Variants in CRLS1 observed in about 807,000 individuals in gnomAD.
CRLS1 encodes cardiolipin synthase 1, also known as cardiolipin synthase (CMP-forming).
Under a neutral mutation model 37.0 loss-of-function variants are expected in CRLS1, and 24 were observed. That is an observed-to-expected ratio of 0.65 (90% CI 0.47 to 0.91). The LOEUF (loss-of-function observed/expected upper bound fraction) is 0.91, where lower values mean the gene tolerates loss of function less well. Ranked by LOEUF, CRLS1 falls within the 40% of genes least tolerant of loss-of-function variation. The pLI, the probability that CRLS1 is intolerant of heterozygous loss-of-function variation, is 0.00. For missense variants in CRLS1, 373 were observed against 395.8 expected (o/e 0.94, Z 0.49); for synonymous variants, 135 against 159.7 (o/e 0.85, Z 1.17).
intron 1 of CRLS1, chr20:6,007,146 C>T: frequency 9.7e-7 from 1 of 1,026,438 alleles, no homozygotes; most frequent in Non-Finnish European, 1.3e-6. Context: ...ACAGAAGACA[C>T]CCGAGCATGA....
At chr20:6,027,615 A>G (rs1979820197) in intron 3 of CRLS1, among the ~76,000 whole-genome samples, 1 of 151,584 alleles carries the variant, frequency 6.6e-6, no homozygotes, top group Non-Finnish European at 1.5e-5. Context: ...GGGTTTTGCC[A>G]TGTTGGCCAG....
chr20:6,010,723 T>G (rs2090121415), intron 2 of CRLS1, among the ~76,000 whole-genome samples: 1 of 152,232 alleles, frequency 6.6e-6, no homozygotes, highest in South Asian at 2.1e-4. Flanking sequence ...ATTACCAACT[T>G]TATTTCAAAA....
rs1391277073 is a variant in CRLS1 at position 6,031,992 on chromosome 20, C to A, written c.661-20C>A. The A allele has an allele frequency of 1.3e-6, 2 of 1,591,098 alleles. No homozygotes were observed. The highest frequency in any genetic ancestry group is 1.1e-5 in the South Asian group (1 of 89,158). On this transcript the variant is annotated intron_variant, in intron 4 of 6. Coordinates refer to ENST00000378863, the MANE Select transcript of CRLS1 (RefSeq NM_019095.6). ...TTAAACAATAAGTTAATTACTTTATCTTTTTTGGTCCTCTGCCAGCGAACA... is the reference window on the plus strand; with the variant it reads ...TTAAACAATAAGTTAATTACTTTATATTTTTTGGTCCTCTGCCAGCGAACA...
chr20:6,035,453 A>T (rs1336036059), intron 6 of CRLS1, among the ~76,000 whole-genome samples: 1 of 152,088 alleles, frequency 6.6e-6, no homozygotes, highest in Non-Finnish European at 1.5e-5. Context: ...AACTGTTTAG[A>T]TATTTTCCCT....
At chr20:6,020,260 G>A (rs1253150012) in intron 3 of CRLS1, among the ~76,000 whole-genome samples, 6 of 152,102 alleles carry the variant, frequency 3.9e-5, no homozygotes, top group Admixed American at 3.9e-4. Context: ...ATATAAGACT[G>A]TATATGTTCC....
chr20:6,028,747 T>C (rs1979914690), intron 3 of CRLS1: 1 of 152,242 alleles, frequency 6.6e-6, no homozygotes, highest in African/African-American at 2.4e-5. Flanking sequence ...TGTGTTCTAA[T>C]AAAATTTTAC....
intron 2 of CRLS1, among the ~76,000 whole-genome samples, chr20:6,011,471 C>T (rs1381910844): frequency 6.6e-6 from 1 of 151,200 alleles, no homozygotes; most frequent in Admixed American, 6.6e-5. Flanking sequence ...CATAGCCTCC[C>T]AAATTGGCTT....
At chr20:6,024,569 C>A (rs898910064) in intron 3 of CRLS1, among the ~76,000 whole-genome samples, 1 of 152,146 alleles carries the variant, frequency 6.6e-6, no homozygotes, top group Non-Finnish European at 1.5e-5. Flanking sequence ...CAATTAATAA[C>A]CCTGCAATGT....
chr20:6,032,656 TAAAC>T (rs960475367), intron 5 of CRLS1, among the ~76,000 whole-genome samples: 2 of 152,252 alleles, frequency 1.3e-5, no homozygotes, highest in Non-Finnish European at 2.9e-5. Flanking sequence ...TGTTCACTAA[TAAAC>T]AACTGCTACT....
Position 6,032,078 on chromosome 20 carries a change from A to G in CRLS1, c.727A>G (p.Lys243Glu). ...TARLKPTFISKVNTAVQLILV... is the reference protein window; with the variant it reads ...TARLKPTFISEVNTAVQLILV... Reference sequence around the variant, plus strand: ...TAGGTTAAAACCAACATTCATCAGCAAGGTAAGAGAATGCAATGTTCTTTG... The same window carrying G: ...TAGGTTAAAACCAACATTCATCAGCGAGGTAAGAGAATGCAATGTTCTTTG... Residue 243 changes from lysine to glutamate, a missense_variant and splice_region_variant, in exon 5 of 7, where the codon AAG becomes GAG. Lys to Glu is a moderately conservative substitution (Grantham distance 56). Coordinates refer to ENST00000378863, the MANE Select transcript of CRLS1 (RefSeq NM_019095.6). 6.2e-7 allele frequency: 1 copy of G among 1,606,082 alleles called. No individual in the cohort carries two copies. Among genetic ancestry groups the G allele is most frequent in the Non-Finnish European group, 8.5e-7 (1 of 1,173,012 alleles).
At chr20:6,017,456 C>T (rs75548152) in intron 3 of CRLS1, among the ~76,000 whole-genome samples, 2 of 152,190 alleles carry the variant, frequency 1.3e-5, no homozygotes, top group Admixed American at 6.5e-5. Context: ...GTTATCCTAG[C>T]ACTTTTTATA....
chr20:6,035,271 A>C (rs1363039762), intron 6 of CRLS1, among the ~76,000 whole-genome samples: 2 of 152,212 alleles, frequency 1.3e-5, no homozygotes, highest in Non-Finnish European at 2.9e-5. Flanking sequence ...CATTTATCCC[A>C]GTTCATCTTA....
At chr20:6,032,181 A>G (rs1980214674) in intron 5 of CRLS1, 101 bp downstream of exon 5, 1 of 926,784 alleles carries the variant, frequency 1.1e-6, no homozygotes, top group African/African-American at 1.6e-5. Flanking sequence ...ACAAATTTAA[A>G]TGCATTGAGT....
chr20:6,013,070 G>A (rs1039337884), intron 2 of CRLS1, among the ~76,000 whole-genome samples: 1 of 152,102 alleles, frequency 6.6e-6, no homozygotes, highest in Non-Finnish European at 1.5e-5. Flanking sequence ...TTGCTTTGTA[G>A]GGGGATAGAG....
chr20:6,017,512 T>A (rs576201134), intron 3 of CRLS1, among the ~76,000 whole-genome samples: 1 of 152,372 alleles, frequency 6.6e-6, no homozygotes, highest in Non-Finnish European at 1.5e-5. Context: ...ATTTCTAAGT[T>A]GTTTTCTTCC....
At chr20:6,032,363 CTTTT>C (rs199513049) in intron 5 of CRLS1, among the ~76,000 whole-genome samples, 6 of 130,100 alleles carry the variant, frequency 4.6e-5, no homozygotes, top group Admixed American at 7.8e-5. Context: ...GTAATTGTTC[CTTTT>C]TTTTTTTTTT....
At chr20:6,033,022 G>A (rs112535406) in intron 5 of CRLS1, among the ~76,000 whole-genome samples, 1 of 151,828 alleles carries the variant, frequency 6.6e-6, no homozygotes, top group African/African-American at 2.4e-5. Flanking sequence ...AAGAGGTACG[G>A]GGACAAGTGC....
chr20:6,010,662 A>T (rs926349104), intron 2 of CRLS1, among the ~76,000 whole-genome samples: 1 of 152,238 alleles, frequency 6.6e-6, no homozygotes, highest in African/African-American at 2.4e-5. Context: ...AGGCTACATT[A>T]AATAGGCTTT....
intron 3 of CRLS1, chr20:6,015,835 A>G (rs943675642): frequency 1.1e-5 from 3 of 282,208 alleles, no homozygotes; most frequent in South Asian, 6.8e-5. Flanking sequence ...TAGTTTTCCT[A>G]CGTTTATTAT....
Sources: gnomAD v4.1 joint callset for allele counts (sites outside exome capture counted in the v4.1 genomes callset) on GRCh38, gnomAD v4.1.1 for gene constraint, MANE v1.5 for transcripts, NCBI Gene and HGNC (gene_info 2026-07-23, HGNC 2026-07-21) for gene names.